The following SEC16B variants were observed in gnomAD, a reference collection of about 807,000 sequenced individuals.
SEC16B encodes protein transport protein Sec16B.
A neutral mutation model predicts 141.8 loss-of-function variants in SEC16B; 115 were observed. The ratio of observed to expected loss-of-function variants is 0.81; its 90% CI spans 0.70 to 0.95. The LOEUF (loss-of-function observed/expected upper bound fraction) is 0.95. Among genes scored for constraint, SEC16B ranks in the 40% least tolerant of loss-of-function variants. The pLI is 0.00. For missense variants in SEC16B, 1,291 were observed against 1,312.3 expected, an observed-to-expected ratio of 0.98 and a Z score of 0.25; for synonymous variants, 493 against 492.5, an observed-to-expected ratio of 1.00 and a Z score of -0.01.
Position 177,961,590 on chromosome 1 carries a change from C to G in SEC16B, c.787G>C (p.Asp263His). The part of the protein sequence containing the change: ...ASAAWSPVQA[D>H]VSSAGPKAPM... Reference sequence around the variant, plus strand: ...CTCTTCTGATCATTTTAGAACCCACCAGCCTGAACTGGACTCCAAGCTGCT... The same window carrying G: ...CTCTTCTGATCATTTTAGAACCCACGAGCCTGAACTGGACTCCAAGCTGCT... The change falls in exon 6 of 26, where the codon GAT becomes CAT. Residue 263 changes from aspartate (D) to histidine (H), a missense_variant and splice_region_variant. Around this residue, in one of 3 missense-constraint regions of SEC16B, gnomAD observed 681 missense variants for 675.5 expected, o/e 1.01. Coordinates refer to ENST00000308284, the MANE Select transcript of SEC16B (RefSeq NM_033127.4). The G allele has an allele frequency of 6.2e-7, 1 of 1,606,698 alleles. No homozygotes were observed. The highest frequency in any genetic ancestry group is 8.5e-7 in the Non-Finnish European group (1 of 1,178,202).
At chr1:177,971,634 G>C (rs972350684), upstream of SEC16B, among the ~76,000 whole-genome samples, 3 of 152,190 alleles carry the variant, frequency 2.0e-5, no homozygotes, top group African/African-American at 7.2e-5. Context: ...TGTAACACCA[G>C]CTGCATTATG....
chr1:177,939,861 C>T, intron 17 of SEC16B, 84 bp from the exon 18 acceptor site: 2 of 1,108,312 alleles, frequency 1.8e-6, no homozygotes, highest in Non-Finnish European at 2.6e-6. Flanking sequence ...AAACTTAAGC[C>T]AAAAAGAAAC....
At chr1:177,939,358 T>C (rs1485445682) in intron 18 of SEC16B, among the ~76,000 whole-genome samples, 2 of 152,216 alleles carry the variant, frequency 1.3e-5, no homozygotes, top group Non-Finnish European at 2.9e-5. Context: ...AAGATACAGA[T>C]GAACCACAAT....
chr1:177,969,734 G>A (rs1266588826), intron 1 of SEC16B, 150 bp downstream of exon 1: 1 of 152,132 alleles, frequency 6.6e-6, no homozygotes, highest in Non-Finnish European at 1.5e-5. Flanking sequence ...CAAAATGAAG[G>A]AATTACATCT....
intron 1 of SEC16B, among the ~76,000 whole-genome samples, chr1:177,976,097 C>G (rs1384921635): frequency 1.3e-5 from 2 of 152,192 alleles, no homozygotes; most frequent in African/African-American, 4.8e-5. Context: ...TCCTACAGGA[C>G]CAAGGCACCC....
chr1:177,969,572 C>T (rs2102011017), intron 1 of SEC16B, among the ~76,000 whole-genome samples: 1 of 152,298 alleles, frequency 6.6e-6, no homozygotes, highest in Non-Finnish European at 1.5e-5. Context: ...TCCTTGTCCC[C>T]AGATAGTCTC....
At chr1:177,970,446 A>G (rs572075081), upstream of SEC16B, among the ~76,000 whole-genome samples, 1 of 152,360 alleles carries the variant, frequency 6.6e-6, no homozygotes, top group East Asian at 1.9e-4. Context: ...CACATGATAT[A>G]TAGGTAAGTA....
At chr1:177,979,107 T>G (rs1654297203) in intron 1 of SEC16B, among the ~76,000 whole-genome samples, 1 of 152,208 alleles carries the variant, frequency 6.6e-6, no homozygotes, top group Admixed American at 6.5e-5. Context: ...TGGAATGCTT[T>G]TGCTCGGAAG....
At position 177,933,521 on chromosome 1, in the gene SEC16B, T is replaced by C. The variant is rs1650610423; in HGVS notation, c.2687A>G (p.Gln896Arg). ...CTTCCCATCTCCGAGCTTGCCTCTC[T>C]GGGCAGTATTTCGGGGAGAGTTTTT... ...ADKNSPRNTAQRGKLGDGKEH... is the reference protein window; with the variant it reads ...ADKNSPRNTARRGKLGDGKEH... Residue 896 changes from glutamine to arginine, a missense_variant, in exon 21 of 26, where the codon CAG (glutamine) becomes CGG (arginine). Transcript: ENST00000308284. 1 of 1,613,918 alleles carries C rather than the reference T, an allele frequency of 6.2e-7. No individual in the cohort carries two copies. The highest frequency in any genetic ancestry group is 1.1e-5 in the South Asian group (1 of 91,034).
rs376059720 is a variant in SEC16B, at chr1:177,951,871, C to G, written c.1545+43G>C. 5.9e-6 allele frequency: 9 copies of G among 1,529,850 alleles called. No individual in the cohort carries two copies. In the African/African-American group the frequency reaches 1.2e-4, roughly 21 times the overall value. 94.8% of individuals were successfully genotyped at this position (1,529,850 alleles called of 1,614,324 possible). On this transcript the variant is annotated intron_variant, in intron 12 of 25. Coordinates refer to ENST00000308284, the MANE Select transcript of SEC16B (RefSeq NM_033127.4). The stretch of plus-strand genomic sequence containing the variant: ...TGAGCAGTCCCCGCCCCCTCAAGCC[C>G]TTGGGATGCCTGGGTGATAAAGGAA...
At chr1:177,981,451 A>T (rs940271633) in intron 1 of SEC16B, among the ~76,000 whole-genome samples, 3 of 152,208 alleles carry the variant, frequency 2.0e-5, no homozygotes, top group African/African-American at 7.2e-5. Flanking sequence ...CACTGGGTTG[A>T]CTGACATAAC....
At chr1:177,950,304 G>A (rs1414597871) in intron 12 of SEC16B, among the ~76,000 whole-genome samples, 3 of 152,164 alleles carry the variant, frequency 2.0e-5, no homozygotes, top group Non-Finnish European at 4.4e-5. Context: ...AAGAGGACAC[G>A]AGGGAGAGGA....
In SEC16B at chr1:177,965,138, G is replaced by A. The variant is rs759031662; in HGVS notation, c.442C>T (p.His148Tyr). 3.1e-6 allele frequency: 5 copies of A among 1,613,482 alleles called. No individual in the cohort carries two copies. The highest frequency in any genetic ancestry group is 4.2e-6 in the Non-Finnish European group (5 of 1,179,724). Residue 148 changes from histidine (H) to tyrosine (Y), a missense_variant, in exon 4 of 26, where the codon CAC (histidine) becomes TAC (tyrosine). By Grantham distance (83) the His-to-Tyr change is moderately conservative. Around this residue, in one of 3 missense-constraint regions of SEC16B, gnomAD observed 681 missense variants for 675.5 expected, o/e 1.01. Coordinates refer to ENST00000308284, the MANE Select transcript of SEC16B (RefSeq NM_033127.4). ...TACTTTTGCTCTCGGTAATCTTCGT[G>A]CCAGATATAAGGACTCCGTTGCCTT... The part of the protein sequence containing the change: ...VPRQRSPYIW[H>Y]EDYREQKYLD...
At chr1:177,939,839 C>A in intron 17 of SEC16B, 62 bp from the exon 18 acceptor site, 1 of 1,288,686 alleles carries the variant, frequency 7.8e-7, no homozygotes, top group Non-Finnish European at 1.1e-6. Flanking sequence ...AACAGAGAAA[C>A]AAAGTGATTC....
At chr1:177,937,874 C>G (rs1650977855) in intron 18 of SEC16B, among the ~76,000 whole-genome samples, 1 of 152,138 alleles carries the variant, frequency 6.6e-6, no homozygotes, top group Admixed American at 6.5e-5. Flanking sequence ...ATTATACCCC[C>G]TCTCTTTTGC....
chr1:177,944,705 G>A (rs1181599709), intron 14 of SEC16B, 39 bp from the exon 15 acceptor site: 1 of 1,531,468 alleles, frequency 6.5e-7, no homozygotes, highest in Non-Finnish European at 9.0e-7. Context: ...ATTGAGGTGT[G>A]GGGGACGCAG....
chr1:177,958,877 A>T lies in SEC16B; in HGVS notation c.1097T>A (p.Leu366Gln), dbSNP rs1218512925. 6.2e-7 allele frequency: 1 copy of T among 1,613,842 alleles called. No homozygotes were observed. Residue 366 changes from leucine to glutamine, a missense_variant, in exon 9 of 26, where the codon CTG (leucine) becomes CAG (glutamine). Leu to Gln is a moderately radical substitution (Grantham distance 113). Coordinates refer to ENST00000308284, the MANE Select transcript of SEC16B (RefSeq NM_033127.4). ...ETLGSRDSAL[L>Q]WQLLVLLCRQ... ...ACAAAGGAGAACCAAGAGCTGCCACAGTAGAGCTGAGTCTCTGCTCCCCAG... is the reference window on the plus strand; with the variant it reads ...ACAAAGGAGAACCAAGAGCTGCCACTGTAGAGCTGAGTCTCTGCTCCCCAG...
At chr1:177,979,683 G>A (rs1005446982) in intron 1 of SEC16B, among the ~76,000 whole-genome samples, 1 of 152,178 alleles carries the variant, frequency 6.6e-6, no homozygotes, top group Non-Finnish European at 1.5e-5. Context: ...ACCCAAGCCT[G>A]GGCAATTTAC....
chr1:177,953,647 T>G (rs1041826313), intron 11 of SEC16B, among the ~76,000 whole-genome samples: 4 of 152,102 alleles, frequency 2.6e-5, no homozygotes, highest in African/African-American at 9.7e-5. Flanking sequence ...TGGCTATGGA[T>G]CCTTGCTTCC....
Sources: allele counts gnomAD v4.1 joint callset (sites outside exome capture counted in the v4.1 genomes callset), GRCh38; gene constraint gnomAD v4.1.1; regional missense constraint gnomAD v4.1.1; transcripts MANE v1.5; gene names NCBI Gene and HGNC (gene_info 2026-07-23, HGNC 2026-07-21).